LYSMD4: variants seen among roughly 807,000 people sequenced by gnomAD.
LYSMD4 encodes LysM domain containing 4, also known as lysM and putative peptidoglycan-binding domain-containing protein 4.
Under a neutral mutation model 6.1 loss-of-function variants are expected in LYSMD4, and 9 were observed. The observed-to-expected ratio is 1.47, with a 90% CI of 0.88 to 2.56. The LOEUF is 2.56. Among genes scored for constraint, LYSMD4 ranks in the 30% most tolerant of loss-of-function variants. The probability of loss-of-function intolerance (pLI) is 0.00; values close to 1 mark genes in which losing one functional copy is unlikely to be tolerated. For synonymous variants in LYSMD4, 143 were observed against 148.5 expected, an observed-to-expected ratio of 0.96 and a Z score of 0.27; for missense variants, 384 against 373.5, an observed-to-expected ratio of 1.03 and a Z score of -0.23.
chr15:99,720,595 C>G (rs1014783563), upstream of LYSMD4, among the ~76,000 whole-genome samples: 1 of 152,196 alleles, frequency 6.6e-6, no homozygotes, highest in Non-Finnish European at 1.5e-5. Context: ...GTAAATGGCT[C>G]TCAACACTGC....
In LYSMD4 at chr15:99,731,941, G is replaced by A. The variant is rs375741245; in HGVS notation, c.59C>T (p.Thr20Ile). 4.8e-5 allele frequency: 77 copies of A among 1,611,552 alleles called. No homozygotes were observed. The African/African-American group carries it at 9.1e-4, about 19-fold the overall frequency. Residue 20 changes from threonine to isoleucine, a missense_variant, in exon 2 of 3, where the codon ACT becomes ATT. Transcript: ENST00000684762. ...AAACATGTATACGTGGCTGGTCGGA[G>A]TCCCACACACAACAGCTGGGCCTTG... ...TFQGPAVVCG[T>I]PTSHVYMFKN...
At position 99,731,706 on chromosome 15, in the gene LYSMD4, G is replaced by A; in HGVS notation, c.282+12C>T. On this transcript the variant is annotated intron_variant, in intron 2 of 2. Coordinates refer to ENST00000684762, the MANE Select transcript of LYSMD4 (RefSeq NM_001284417.2). ...AAACGGAGCGGGGCAGGGCCCCTGA[G>A]GGGTGTCTTACTTTGCAGCCATACT... 1.3e-6 allele frequency: 2 copies of A among 1,575,230 alleles called. No individual in the cohort carries two copies. Among genetic ancestry groups the A allele is most frequent in the Non-Finnish European group, 1.7e-6 (2 of 1,161,800 alleles).
At chr15:99,731,475 G>A (rs2059409276) in intron 2 of LYSMD4, 4 of 1,596,830 alleles carry the variant, frequency 2.5e-6, no homozygotes, top group Non-Finnish European at 3.4e-6. Flanking sequence ...AACAGGAAAA[G>A]GAGAAGTTCC....
In LYSMD4 at chr15:99,728,937, C is replaced by A; in HGVS notation, c.*186G>T. 1 of 789,698 alleles carries A rather than the reference C, an allele frequency of 1.3e-6. No homozygotes were observed. The highest frequency in any genetic ancestry group is 2.5e-5 in the Admixed American group (1 of 40,114). The allele number at this position is 789,698 out of a possible 1,614,324, so 48.9% of individuals were successfully genotyped here. On this transcript the variant is annotated 3_prime_UTR_variant, in exon 3 of 3. Transcript: ENST00000684762. ...GGCCGAGGTCGCTGCTGTTTTAGATCCTGCCAGCTTAGACTGGGTAAGGCC... is the reference window on the plus strand; with the variant it reads ...GGCCGAGGTCGCTGCTGTTTTAGATACTGCCAGCTTAGACTGGGTAAGGCC...
chr15:99,726,368 TC>T (rs1357754551), downstream of LYSMD4, among the ~76,000 whole-genome samples: 1 of 151,976 alleles, frequency 6.6e-6, no homozygotes, highest in Non-Finnish European at 1.5e-5. Flanking sequence ...GGTCTCGAAC[TC>T]CTAACCTCAA....
In LYSMD4 at chr15:99,731,973, C is replaced by A; in HGVS notation, c.27G>T (p.Lys9Asn). ...ACACAACAGCTGGGCCTTGGAAGGTCTTGGTTAACAATTCCTCGTGCCTCA... is the reference window on the plus strand; with the variant it reads ...ACACAACAGCTGGGCCTTGGAAGGTATTGGTTAACAATTCCTCGTGCCTCA... MRHEELLT[K>N]TFQGPAVVCG... Residue 9 changes from lysine (K) to asparagine (N), a missense_variant, in exon 2 of 3, where the codon AAG becomes AAT. Lys to Asn is a moderately conservative substitution (Grantham distance 94, BLOSUM62 0). Coordinates refer to ENST00000684762, the MANE Select transcript of LYSMD4 (RefSeq NM_001284417.2). 2.5e-6 allele frequency: 4 copies of A among 1,592,308 alleles called. No individual in the cohort carries two copies. Among genetic ancestry groups the A allele is most frequent in the Non-Finnish European group, 3.4e-6 (4 of 1,167,294 alleles).
In LYSMD4 at chr15:99,729,092, T is replaced by G. The variant is rs1366725531; in HGVS notation, c.*31A>C. 6.2e-7 allele frequency: 1 copy of G among 1,606,190 alleles called. No individual in the cohort carries two copies. The highest frequency in any genetic ancestry group is 1.3e-5 in the African/African-American group (1 of 74,858). ...CTGAGGCACATCAACAGCCAATTGCTAAAGCTGGGCCTAGTCTTTAAAAAC... is the reference window on the plus strand; with the variant it reads ...CTGAGGCACATCAACAGCCAATTGCGAAAGCTGGGCCTAGTCTTTAAAAAC... On this transcript the variant is annotated 3_prime_UTR_variant, in exon 3 of 3. Transcript: ENST00000684762.
chr15:99,726,806 AG>A (rs1477942986), downstream of LYSMD4, among the ~76,000 whole-genome samples: 1 of 151,488 alleles, frequency 6.6e-6, no homozygotes, highest in African/African-American at 2.5e-5. Flanking sequence ...CTGAAAACAT[AG>A]CAAAATGTGG....
exon 1 of LYSMD4, chr15:99,717,057 A>T (rs1378720441): frequency 5.9e-6 from 1 of 169,132 alleles, no homozygotes; most frequent in African/African-American, 2.4e-5. Flanking sequence ...GTCATAATTC[A>T]GCTAGAAAAT....
chr15:99,723,227 T>C (rs1042352478), downstream of LYSMD4, among the ~76,000 whole-genome samples: 8 of 151,962 alleles, frequency 5.3e-5, no homozygotes, highest in Non-Finnish European at 1.0e-4. Flanking sequence ...TGGCTAAAAT[T>C]TGTCCAAATT....
downstream of LYSMD4, among the ~76,000 whole-genome samples, chr15:99,726,145 G>GTT (rs1567547710): frequency 4.8e-4 from 15 of 31,406 alleles, no homozygotes; most frequent in Non-Finnish European, 8.7e-4. Context: ...TGTCTCAAGT[G>GTT]GTTTTTTTTT....
downstream of LYSMD4, among the ~76,000 whole-genome samples, chr15:99,723,280 C>T (rs2059251215): frequency 6.6e-6 from 1 of 152,078 alleles, no homozygotes; most frequent in Admixed American, 6.5e-5. Flanking sequence ...AACAATGAGC[C>T]CCAAACAGAA....
At chr15:99,723,969 A>G (rs989758722), downstream of LYSMD4, among the ~76,000 whole-genome samples, 3 of 150,892 alleles carry the variant, frequency 2.0e-5, no homozygotes, top group Non-Finnish European at 4.4e-5. Flanking sequence ...GTACTGCAGC[A>G]TTTTCCCACA....
At chr15:99,726,168 T>TTTC (rs60862713), downstream of LYSMD4, among the ~76,000 whole-genome samples, 21 of 146,248 alleles carry the variant, frequency 1.4e-4, no homozygotes, top group African/African-American at 3.3e-4. Context: ...TTTTTTTTTT[T>TTTC]CCCGCCTGAG....
Position 99,729,231 on chromosome 15 carries a change from C to G in LYSMD4, c.783G>C (p.Ser261=). 2 of 1,614,200 alleles carry G rather than the reference C, an allele frequency of 1.2e-6. No homozygotes were observed. The highest frequency in any genetic ancestry group is 1.7e-6 in the Non-Finnish European group (2 of 1,180,036). ...GCCCTGGAACTGTACCCATTGCCAT[C>G]GAGCCATTGGGGATGACAGTTGTGT... is the stretch of plus-strand genomic sequence containing the variant. The part of the protein sequence containing the change: ...SLNTTVIPNG[S]MAMGTVPGQA... Residue 261 remains serine (S), a synonymous_variant, in exon 3 of 3, where the codon TCG becomes TCC. Coordinates refer to ENST00000684762, the MANE Select transcript of LYSMD4 (RefSeq NM_001284417.2).
At chr15:99,717,548 C>G (rs2059197039) in exon 1 of LYSMD4, 1 of 141,348 alleles carries the variant, frequency 7.1e-6, no homozygotes, top group African/African-American at 2.6e-5. Flanking sequence ...CCTCATCCCG[C>G]AGAAAGTTGC....
chr15:99,716,220 T>C (rs1200603219), exon 1 of LYSMD4: 1 of 225,544 alleles, frequency 4.4e-6, no homozygotes, highest in Non-Finnish European at 9.2e-6. Context: ...TAAATGTTTG[T>C]AGTCAACAGT....
downstream of LYSMD4, among the ~76,000 whole-genome samples, chr15:99,727,014 G>A (rs1322507690): frequency 6.6e-6 from 1 of 152,098 alleles, no homozygotes; most frequent in African/African-American, 2.4e-5. Flanking sequence ...CCTCACTCCT[G>A]ACAGACACCT....
At chr15:99,717,686 A>G (rs2059198871) in exon 1 of LYSMD4, 1 of 152,174 alleles carries the variant, frequency 6.6e-6, no homozygotes, top group Admixed American at 6.5e-5. Context: ...GGTGCTCCTC[A>G]TTTCATCAGT....
Sources: gnomAD v4.1 joint callset for allele counts (sites outside exome capture counted in the v4.1 genomes callset) on GRCh38, gnomAD v4.1.1 for gene constraint, MANE v1.5 for transcripts, NCBI Gene and HGNC (gene_info 2026-07-23, HGNC 2026-07-21) for gene names.